The following HMGCL variants were observed in gnomAD, a reference collection of about 807,000 sequenced individuals.
HMGCL encodes the protein 3-hydroxy-3-methylglutaryl-CoA lyase.
HMGCL carries 26 observed loss-of-function variants against 37.3 expected under a neutral mutation model. The observed-to-expected ratio is 0.70, with a 90% CI of 0.51 to 0.97. The LOEUF is 0.97. Ranked by LOEUF, HMGCL falls within the 50% of genes least tolerant of loss-of-function variation. HMGCL has a pLI of 0.00. For missense variants in HMGCL, 379 were observed against 398.1 expected, an observed-to-expected ratio of 0.95 and a Z score of 0.41; for synonymous variants, 151 against 148.0, an observed-to-expected ratio of 1.02 and a Z score of -0.15.
intron 5 of HMGCL, among the ~76,000 whole-genome samples, chr1:23,813,273 C>A (rs180797989): frequency 4.7e-4 from 55 of 117,454 alleles, no homozygotes; most frequent in African/African-American, 1.7e-3. Context: ...TTTGCTCTGT[C>A]ACCCAGGCCG....
At chr1:23,812,575 A>T (rs1186620491) in intron 5 of HMGCL, among the ~76,000 whole-genome samples, 2 of 152,010 alleles carry the variant, frequency 1.3e-5, no homozygotes. Context: ...AGCCAGTCAC[A>T]AACTCCTGGG....
chr1:23,823,623 G>T (rs971174152), intron 1 of HMGCL, among the ~76,000 whole-genome samples: 1 of 152,052 alleles, frequency 6.6e-6, no homozygotes, highest in Non-Finnish European at 1.5e-5. Flanking sequence ...AAAGTGCTAG[G>T]ATTATAGGCA....
chr1:23,819,006 TAAAAAAAAAAAAAA>T (rs11371330), intron 2 of HMGCL, among the ~76,000 whole-genome samples: 1 of 43,120 alleles, frequency 2.3e-5, no homozygotes, highest in Non-Finnish European at 3.8e-5. Flanking sequence ...ATGGACGTGC[TAAAAAAAAAAAAAA>T]AAAAAAAAAA....
In HMGCL at chr1:23,810,542, C is replaced by T. The variant is rs567392872; in HGVS notation, c.561+194G>A. ...TAGAGGCCAGGGGCTTCAAGGACTA[C>T]ATGTTCGGCTAGGAGGGGGGCCTCT... On this transcript the variant is annotated intron_variant, in intron 6 of 8. Coordinates refer to ENST00000374490, the MANE Select transcript of HMGCL (RefSeq NM_000191.3). The T allele has an allele frequency of 1.3e-4, 78 of 609,706 alleles. No homozygotes were observed. The East Asian group carries it at 2.3e-3, about 18-fold the overall frequency. 37.8% of individuals were successfully genotyped at this position (609,706 alleles called of 1,614,324 possible). A position where few individuals can be genotyped will look rare whatever the true frequency, so the allele number is the denominator to read the frequency against.
At position 23,804,528 on chromosome 1, in the gene HMGCL, A is replaced by G. The variant is rs1356054021; in HGVS notation, c.751-3T>C. 8.1e-6 allele frequency: 13 copies of G among 1,614,156 alleles called. No homozygotes were observed. The highest frequency in any genetic ancestry group is 3.3e-4 in the Middle Eastern group (2 of 6,062). ...GAGTCCACGACACTCACTCCCATCT[A>G]GAAACATAAGGATGGTGAAACACAG... On this transcript the variant is annotated splice_polypyrimidine_tract_variant and splice_region_variant and intron_variant, in intron 7 of 8. Transcript: ENST00000374490.
chr1:23,804,767 G>C (rs543009829), intron 7 of HMGCL, among the ~76,000 whole-genome samples: 2 of 151,872 alleles, frequency 1.3e-5, no homozygotes, highest in East Asian at 3.9e-4. Flanking sequence ...CATTCTTTAG[G>C]TTCCAGTCTG....
intron 1 of HMGCL, among the ~76,000 whole-genome samples, chr1:23,822,338 A>G (rs1338723903): frequency 6.6e-6 from 1 of 152,182 alleles, no homozygotes; most frequent in Non-Finnish European, 1.5e-5. Context: ...TTTTTACAAA[A>G]TGCCCTGAGT....
rs555611851 is a variant in HMGCL at position 23,815,828 on chromosome 1, A to G, written c.348+847T>C. ...TTTCTTACAGTAGCACTAGGAAACA[A>G]ACACAGTAATTTCTCTTAATTAAAA... is the stretch of plus-strand genomic sequence containing the variant. On this transcript the variant is annotated intron_variant, in intron 4 of 8. Coordinates refer to ENST00000374490, the MANE Select transcript of HMGCL (RefSeq NM_000191.3). 9.1e-4 allele frequency among the ~76,000 whole-genome samples: 139 copies of G among 152,006 alleles called. 1 individual carries two copies. Among genetic ancestry groups the G allele is most frequent in the African/African-American group, 3.3e-3 (137 of 41,470 alleles).
intron 5 of HMGCL, among the ~76,000 whole-genome samples, chr1:23,812,805 C>T (rs1176683735): frequency 2.6e-5 from 4 of 152,182 alleles, no homozygotes; most frequent in African/African-American, 4.8e-5. Context: ...GGTTTGTAAA[C>T]CTCATTAAAA....
rs1287062115 is a variant in HMGCL, at chr1:23,804,473, T to A, written c.803A>T (p.Tyr268Phe). The change falls in exon 8 of 9, where the codon TAC (tyrosine) becomes TTC (phenylalanine). Residue 268 changes from tyrosine (Y) to phenylalanine (F), a missense_variant. By Grantham distance (22) the Tyr-to-Phe change is conservative. Transcript: ENST00000374490. ...CAAGTTTCCTGATGCCCCCTGTGCG[T>A]AGGGACAGCCTCCAAGTCCTGCCAC... ...SSVAGLGGCP[Y>F]AQGASGNLAT... 6.8e-6 allele frequency: 11 copies of A among 1,614,090 alleles called. No homozygotes were observed. In the South Asian group the frequency reaches 1.2e-4, roughly 18 times the overall value.
chr1:23,814,474 G>A (rs548327568), intron 4 of HMGCL, 136 bp from the exon 5 acceptor site: 16 of 964,376 alleles, frequency 1.7e-5, no homozygotes, highest in East Asian at 2.7e-5. Flanking sequence ...GGGTTCAAGC[G>A]ATTCTCCTGC....
chr1:23,817,430 C>A (rs1481081413), intron 3 of HMGCL, 46 bp downstream of exon 3: 2 of 1,172,790 alleles, frequency 1.7e-6, no homozygotes, highest in Non-Finnish European at 2.6e-6. Flanking sequence ...AAATGCAAAA[C>A]TTTTCATCCC....
At chr1:23,802,758 C>G (rs1353089656) in intron 8 of HMGCL, among the ~76,000 whole-genome samples, 194 bp from the exon 9 acceptor site, 2 of 152,318 alleles carry the variant, frequency 1.3e-5, no homozygotes, top group South Asian at 2.1e-4. Flanking sequence ...CTGACTCCCC[C>G]TCATGTAAGA....
At chr1:23,804,579 G>A in intron 7 of HMGCL, 54 bp from the exon 8 acceptor site, 1 of 1,604,344 alleles carries the variant, frequency 6.2e-7, no homozygotes, top group Non-Finnish European at 8.5e-7. Flanking sequence ...AGAGGCCACA[G>A]AGATGAGCCT....
chr1:23,814,489 G>A, intron 4 of HMGCL, 151 bp from the exon 5 acceptor site: 1 of 878,292 alleles, frequency 1.1e-6, no homozygotes, highest in Non-Finnish European at 1.8e-6. Context: ...TCCTGCCTCA[G>A]CCTCCTGAGT....
chr1:23,815,849 T>TAA (rs113198701), intron 4 of HMGCL, among the ~76,000 whole-genome samples: 1 of 140,298 alleles, frequency 7.1e-6, no homozygotes, highest in African/African-American at 2.6e-5. Flanking sequence ...TTCTCTTAAT[T>TAA]AAAAAAAAAA....
intron 5 of HMGCL, among the ~76,000 whole-genome samples, chr1:23,811,148 T>C (rs1409948084): frequency 6.6e-6 from 1 of 152,092 alleles, no homozygotes; most frequent in Non-Finnish European, 1.5e-5. Context: ...CCAGAGGAGC[T>C]GGGGCCAGTA....
At chr1:23,822,960 G>A (rs1166645995) in intron 1 of HMGCL, among the ~76,000 whole-genome samples, 1 of 152,126 alleles carries the variant, frequency 6.6e-6, no homozygotes, top group Non-Finnish European at 1.5e-5. Context: ...CAGATCACCT[G>A]AGGTCAGAAG....
In HMGCL at chr1:23,825,420, G is replaced by A; in HGVS notation, c.-5C>T. 2 of 1,555,486 alleles carry A rather than the reference G, an allele frequency of 1.3e-6. No homozygotes were observed. Among genetic ancestry groups the A allele is most frequent in the South Asian group, 1.2e-5 (1 of 84,434 alleles). The stretch of plus-strand genomic sequence containing the variant: ...CGCCTTCCTCATTGCTGCCATCTTG[G>A]CCCAGAATCCCCCGCGGCAGTCCAG... On this transcript the variant is annotated 5_prime_UTR_variant, in exon 1 of 9. Transcript: ENST00000374490.
Sources: gnomAD v4.1 joint callset for allele counts (sites outside exome capture counted in the v4.1 genomes callset) on GRCh38, gnomAD v4.1.1 for gene constraint, MANE v1.5 for transcripts, NCBI Gene and HGNC (gene_info 2026-07-23, HGNC 2026-07-21) for gene names.